Variants in DOCK5 observed in about 807,000 individuals in gnomAD.
The protein encoded by DOCK5 is dedicator of cytokinesis protein 5.
DOCK5 carries 142 observed loss-of-function variants against 251.8 expected under a neutral mutation model. That is an observed-to-expected ratio of 0.56 (90% CI 0.49 to 0.65). The LOEUF (loss-of-function observed/expected upper bound fraction) is 0.65. Ranked by LOEUF, DOCK5 falls within the 30% of genes least tolerant of loss-of-function variation. DOCK5 has a pLI of 0.00. For missense variants in DOCK5, 2,111 were observed against 2,312.3 expected, an observed-to-expected ratio of 0.91 and a Z score of 1.79; for synonymous variants, 842 against 835.5, an observed-to-expected ratio of 1.01 and a Z score of -0.13.
At chr8:25,407,261 T>C (rs1027826933) in intron 48 of DOCK5, among the ~76,000 whole-genome samples, 7 of 152,128 alleles carry the variant, frequency 4.6e-5, no homozygotes, top group African/African-American at 1.7e-4. Context: ...GATTACATTC[T>C]AGTAGTATAT....
intron 27 of DOCK5, among the ~76,000 whole-genome samples, chr8:25,357,297 T>C (rs919259125): frequency 2.0e-5 from 3 of 151,632 alleles, no homozygotes; most frequent in Non-Finnish European, 4.4e-5. Context: ...ACAAGCTATA[T>C]GATAATTTGG....
At chr8:25,345,360 G>A in intron 25 of DOCK5, 115 bp from the exon 26 acceptor site, 1 of 1,461,648 alleles carries the variant, frequency 6.8e-7, no homozygotes, top group Non-Finnish European at 9.3e-7. Context: ...TCCCTGCAGG[G>A]CTGATTGCAG....
intron 35 of DOCK5, 37 bp from the exon 36 acceptor site, chr8:25,373,581 T>A: frequency 6.4e-7 from 1 of 1,559,822 alleles, no homozygotes; most frequent in East Asian, 2.3e-5. Flanking sequence ...GCTCTTGATT[T>A]ATGTTGGGAT....
At chr8:25,404,721 A>G (rs1444677041) in intron 48 of DOCK5, among the ~76,000 whole-genome samples, 1 of 152,132 alleles carries the variant, frequency 6.6e-6, no homozygotes, top group Non-Finnish European at 1.5e-5. Context: ...ATACAACTAT[A>G]TCAATATGGG....
At position 25,336,286 on chromosome 8, in the gene DOCK5, C is replaced by T. The variant is rs146100359; in HGVS notation, c.2240C>T (p.Ser747Phe). Residue 747 changes from serine to phenylalanine, a missense_variant, in exon 22 of 52, where the codon TCC becomes TTC. Ser to Phe is a radical substitution (Grantham distance 155). Around this residue, in one of 3 missense-constraint regions of DOCK5, gnomAD observed 1,717 missense variants for 1,892.4 expected, o/e 0.91. Transcript: ENST00000276440. Reference sequence around the variant, plus strand: ...TTCTATGTGGCTAATGCAGATGACTCCAGCAAGACTGAACTGCTTTTTGCT... The same window carrying T: ...TTCTATGTGGCTAATGCAGATGACTTCAGCAAGACTGAACTGCTTTTTGCT... The part of the protein sequence containing the change: ...LNFYVANADD[S>F]SKTELLFAAL... 6.2e-7 allele frequency: 1 copy of T among 1,613,860 alleles called. No homozygotes were observed. Among genetic ancestry groups the T allele is most frequent in the South Asian group, 1.1e-5 (1 of 91,066 alleles).
chr8:25,260,815 G>C (rs144236602), intron 2 of DOCK5, among the ~76,000 whole-genome samples: 1 of 149,798 alleles, frequency 6.7e-6, no homozygotes, highest in African/African-American at 2.5e-5. Context: ...TTTTTTAAAC[G>C]GACAGAATCT....
At chr8:25,388,425 G>C (rs116851037) in intron 40 of DOCK5, among the ~76,000 whole-genome samples, 1,994 of 152,174 alleles carry the variant, frequency 0.013, 23 homozygotes, top group Middle Eastern at 0.02. Context: ...CCATGCCTGG[G>C]GCCTAGGAAA....
rs138368514 is a variant in DOCK5, at chr8:25,222,082, ACT to A, written c.44-21589_44-21588del. ...GCTAGGGGTTTTTGCTGTTTAGGAC[ACT>A]CTGTTTTCTGTGAAGGAAAAAGGAT... On this transcript the variant is annotated intron_variant, in intron 1 of 51. Coordinates refer to ENST00000276440, the MANE Select transcript of DOCK5 (RefSeq NM_024940.8). Among the ~76,000 whole-genome samples the A allele has an allele frequency of 8.0e-4, 121 of 151,958 alleles. 2 individuals carry two copies. In the East Asian group the frequency reaches 0.022, roughly 28 times the overall value.
chr8:25,329,087 A>AAT (rs1805626203), intron 18 of DOCK5, among the ~76,000 whole-genome samples: 1 of 152,154 alleles, frequency 6.6e-6, no homozygotes, highest in Non-Finnish European at 1.5e-5. Flanking sequence ...TTTGAGTCTG[A>AAT]ATAGCTTTGT....
chr8:25,382,540 G>T, intron 39 of DOCK5, 134 bp from the exon 40 acceptor site: 2 of 695,682 alleles, frequency 2.9e-6, no homozygotes, highest in Non-Finnish European at 4.9e-6. Flanking sequence ...ACCCTTTTCT[G>T]CCCATAGGGT....
chr8:25,239,632 G>C (rs1224638461), intron 1 of DOCK5, among the ~76,000 whole-genome samples: 1 of 152,108 alleles, frequency 6.6e-6, no homozygotes. Context: ...CTAGCAGGCA[G>C]AGCATTTGCG....
chr8:25,321,561 C>A (rs1249485991), intron 16 of DOCK5, among the ~76,000 whole-genome samples: 1 of 152,172 alleles, frequency 6.6e-6, no homozygotes, highest in Non-Finnish European at 1.5e-5. Flanking sequence ...CAACCTAGAT[C>A]CCTTGCATGC....
At chr8:25,189,529 T>G (rs1320264889) in intron 1 of DOCK5, among the ~76,000 whole-genome samples, 3 of 152,024 alleles carry the variant, frequency 2.0e-5, no homozygotes, top group Non-Finnish European at 4.4e-5. Flanking sequence ...ACCAGTTGAT[T>G]TTTGTATTTT....
chr8:25,381,615 G>A (rs928216023), intron 39 of DOCK5, among the ~76,000 whole-genome samples: 4 of 149,830 alleles, frequency 2.7e-5, no homozygotes, highest in Non-Finnish European at 5.9e-5. Flanking sequence ...GCAACAGAAT[G>A]AGACCCTGTC....
intron 21 of DOCK5, 110 bp downstream of exon 21, chr8:25,334,306 G>A: frequency 1.2e-6 from 1 of 852,010 alleles, no homozygotes; most frequent in South Asian, 1.5e-5. Context: ...AAATACGCCT[G>A]TTAAGGCAGA....
chr8:25,360,511 A>G (rs1800658235), intron 28 of DOCK5, among the ~76,000 whole-genome samples: 1 of 152,202 alleles, frequency 6.6e-6, no homozygotes, highest in Admixed American at 6.5e-5. Flanking sequence ...CACAGGCCTT[A>G]GAACACGCAG....
intron 1 of DOCK5, among the ~76,000 whole-genome samples, chr8:25,188,177 T>C (rs1024783808): frequency 2.6e-5 from 4 of 152,138 alleles, no homozygotes; most frequent in African/African-American, 9.7e-5. Context: ...CCAATATGAG[T>C]TGAATTTTGT....
rs990972210 is a variant in DOCK5 at position 25,218,315 on chromosome 8, A to G, written c.44-25359A>G. On this transcript the variant is annotated intron_variant, in intron 1 of 51. Transcript: ENST00000276440. ...CCCAGGGTGCCCTCAGGTTGGTCAC[A>G]CAGGCTCTGATTATCATAGGGCATC... is the stretch of plus-strand genomic sequence containing the variant. Among the ~76,000 whole-genome samples, 9 of 152,340 alleles carry G rather than the reference A, an allele frequency of 5.9e-5. No homozygotes were observed. The East Asian group carries it at 1.7e-3, about 29-fold the overall frequency.
At chr8:25,223,917 T>C (rs1321991150) in intron 1 of DOCK5, among the ~76,000 whole-genome samples, 4 of 152,226 alleles carry the variant, frequency 2.6e-5, no homozygotes, top group African/African-American at 9.6e-5. Flanking sequence ...TCCCTGACCA[T>C]GCTTTGTACT....
Sources: gnomAD v4.1 joint callset for allele counts (sites outside exome capture counted in the v4.1 genomes callset) on GRCh38, gnomAD v4.1.1 for gene constraint, gnomAD v4.1.1 regional missense constraint, MANE v1.5 for transcripts, NCBI Gene and HGNC (gene_info 2026-07-23, HGNC 2026-07-21) for gene names.